PCDHGB1: variants seen among roughly 807,000 people sequenced by gnomAD.
The protein encoded by PCDHGB1 is protocadherin gamma-B1.
Under a neutral mutation model 56.6 loss-of-function variants are expected in PCDHGB1, and 34 were observed. The ratio of observed to expected loss-of-function variants is 0.60; its 90% CI spans 0.46 to 0.80. The LOEUF (loss-of-function observed/expected upper bound fraction) is 0.80, where lower values mean the gene tolerates loss of function less well. PCDHGB1 is among the 30% of genes least tolerant of loss of function. The pLI, the probability that PCDHGB1 is intolerant of heterozygous loss-of-function variation, is 0.00. For missense variants in PCDHGB1, 1,278 were observed against 1,204.6 expected (o/e 1.06, Z -0.90); for synonymous variants, 561 against 505.9 (o/e 1.11, Z -1.46).
chr5:141,403,945 A>G (rs745421734), intron 1 of PCDHGB1: 48 of 1,613,810 alleles, frequency 3.0e-5, no homozygotes, highest in Non-Finnish European at 3.9e-5. Context: ...AAGGGTGGAC[A>G]AAAGTGCTCA....
intron 1 of PCDHGB1, chr5:141,410,823 C>CCAGACTGA (rs2095425464): frequency 2.1e-6 from 1 of 479,988 alleles, no homozygotes; most frequent in African/African-American, 2.5e-5. Flanking sequence ...AATAATGTCA[C>CCAGACTGA]CAGACTGAAG....
chr5:141,375,838 C>T (rs527863161), intron 1 of PCDHGB1: 1 of 1,614,128 alleles, frequency 6.2e-7, no homozygotes, highest in Admixed American at 1.7e-5. Flanking sequence ...CAGAGCCCGG[C>T]TACCTGGTGA....
Position 141,380,147 on chromosome 5 carries a change from G to A in PCDHGB1, c.2409+27478G>A, listed in dbSNP as rs191814510. On this transcript the variant is annotated intron_variant, in intron 1 of 3. Transcript: ENST00000523390. ...ACTCCTGACCTTAAGTGATCCACCC[G>A]CCTCAGCCTCTCAAAGGGCTGGGAT... Among the ~76,000 whole-genome samples the A allele has an allele frequency of 2.4e-3, 365 of 152,108 alleles. 1 individual carries two copies. Among genetic ancestry groups the A allele is most frequent in the Non-Finnish European group, 4.5e-3 (306 of 67,982 alleles).
At chr5:141,498,530 A>G (rs1275299749) in intron 2 of PCDHGB1, among the ~76,000 whole-genome samples, 1 of 149,364 alleles carries the variant, frequency 6.7e-6, no homozygotes, top group Non-Finnish European at 1.5e-5. Flanking sequence ...ACTGCCCTCC[A>G]GCCTGGTCTG....
chr5:141,422,926 G>GC, intron 1 of PCDHGB1: 1 of 1,614,230 alleles, frequency 6.2e-7, no homozygotes, highest in African/African-American at 1.3e-5. Context: ...CCTGTACCCT[G>GC]CCCTCCCCAC....
At chr5:141,405,035 G>C in intron 1 of PCDHGB1, 1 of 1,613,964 alleles carries the variant, frequency 6.2e-7, no homozygotes, top group South Asian at 1.1e-5. Context: ...CTACCTCGTT[G>C]TGGCTGTGGC....
rs779391932 is a variant in PCDHGB1, at chr5:141,419,996, C to T, written c.2409+67327C>T. Reference sequence around the variant, plus strand: ...CCTCGCGGTGATTCTAGCTATTGCTCTACGCCTGCGACAGTCTTTCAGCCC... The same window carrying T: ...CCTCGCGGTGATTCTAGCTATTGCTTTACGCCTGCGACAGTCTTTCAGCCC... On this transcript the variant is annotated intron_variant, in intron 1 of 3. Coordinates refer to ENST00000523390, the MANE Select transcript of PCDHGB1 (RefSeq NM_018922.3). 10 of 1,613,966 alleles carry T rather than the reference C, an allele frequency of 6.2e-6. No homozygotes were observed. In the East Asian group the frequency reaches 2.2e-4, roughly 36 times the overall value.
intron 1 of PCDHGB1, chr5:141,399,873 C>T (rs1331485851): frequency 1.9e-6 from 3 of 1,612,836 alleles, no homozygotes; most frequent in Non-Finnish European, 2.5e-6. Context: ...AGCCCGGCTA[C>T]CTGGTGACCA....
intron 1 of PCDHGB1, chr5:141,383,629 C>T (rs769030453): frequency 6.2e-7 from 1 of 1,613,960 alleles, no homozygotes; most frequent in South Asian, 1.1e-5. Context: ...TGTCTTCTCT[C>T]TGCCTCAGTA....
In PCDHGB1 at chr5:141,388,651, A is replaced by G. The variant is rs186708822; in HGVS notation, c.2409+35982A>G. ...AGGGTGAGCCTTTCAGAAAACGTGT[A>G]CCCGGGGACCACGGTGCTACAGGTG... On this transcript the variant is annotated intron_variant, in intron 1 of 3. Transcript: ENST00000523390. 300 of 1,613,838 alleles carry G rather than the reference A, an allele frequency of 1.9e-4. 1 individual carries two copies. Among genetic ancestry groups the G allele is most frequent in the Admixed American group, 9.7e-4 (58 of 60,020 alleles).
rs1272109802 is a variant in PCDHGB1 at position 141,403,110 on chromosome 5, C to G, written c.2409+50441C>G. The G allele has an allele frequency of 6.2e-7, 1 of 1,614,084 alleles. No individual in the cohort carries two copies. The highest frequency in any genetic ancestry group is 1.7e-5 in the Admixed American group (1 of 60,032). The stretch of plus-strand genomic sequence containing the variant: ...GTGGGCAACATCTCCAAGGACCTGG[C>G]TCTGGAGCCCCGGGAGCTGGCGGAG... On this transcript the variant is annotated intron_variant, in intron 1 of 3. Transcript: ENST00000523390.
intron 1 of PCDHGB1, chr5:141,364,916 T>A (rs1264033754): frequency 1.5e-5 from 25 of 1,613,934 alleles, no homozygotes; most frequent in Non-Finnish European, 2.1e-5. Flanking sequence ...GGAGCTGGTG[T>A]TGGAACAGCC....
chr5:141,387,559 A>G, intron 1 of PCDHGB1: 1 of 421,914 alleles, frequency 2.4e-6, no homozygotes, highest in South Asian at 5.1e-5. Flanking sequence ...TCAGTTAGGC[A>G]CACAATTATA....
chr5:141,481,619 A>T (rs1303171847), intron 1 of PCDHGB1, among the ~76,000 whole-genome samples: 1 of 152,128 alleles, frequency 6.6e-6, no homozygotes, highest in Non-Finnish European at 1.5e-5. Flanking sequence ...GGAGTTCAAG[A>T]CCGGCCTGGC....
intron 1 of PCDHGB1, chr5:141,382,845 C>T: frequency 6.8e-7 from 1 of 1,475,804 alleles, no homozygotes; most frequent in African/African-American, 1.4e-5. Context: ...CGGATACACC[C>T]GCATTCTGAA....
intron 1 of PCDHGB1, chr5:141,414,747 C>T (rs556012378): frequency 6.2e-7 from 1 of 1,614,214 alleles, no homozygotes; most frequent in African/African-American, 1.3e-5. Flanking sequence ...TCAGATCCTT[C>T]GACTATGAGC....
chr5:141,446,455 T>G (rs1347586383), intron 1 of PCDHGB1, among the ~76,000 whole-genome samples: 1 of 151,858 alleles, frequency 6.6e-6, no homozygotes, highest in Non-Finnish European at 1.5e-5. Context: ...AGATATTCAG[T>G]GTGTGATTAG....
chr5:141,384,543 G>A (rs767368247), intron 1 of PCDHGB1: 4 of 1,614,256 alleles, frequency 2.5e-6, no homozygotes, highest in South Asian at 1.1e-5. Context: ...ACATGTCACT[G>A]AGCCTGTTCG....
chr5:141,364,186 T>A, intron 1 of PCDHGB1: 18 of 1,005,938 alleles, frequency 1.8e-5, no homozygotes, highest in Non-Finnish European at 2.5e-5. Flanking sequence ...CCCTCCATAC[T>A]AAACACACAG....
Sources: gnomAD v4.1 joint callset for allele counts (sites outside exome capture counted in the v4.1 genomes callset) on GRCh38, gnomAD v4.1.1 for gene constraint, MANE v1.5 for transcripts, NCBI Gene and HGNC (gene_info 2026-07-23, HGNC 2026-07-21) for gene names.